Variants in USP47 observed in about 807,000 individuals in gnomAD.
USP47 encodes the protein ubiquitin carboxyl-terminal hydrolase 47.
A neutral mutation model predicts 165.1 loss-of-function variants in USP47; 35 were observed. That is an observed-to-expected ratio of 0.21 (90% CI 0.16 to 0.28). The LOEUF (loss-of-function observed/expected upper bound fraction) is 0.28, where lower values mean the gene tolerates loss of function less well. Ranked by LOEUF, USP47 falls within the 10% of genes least tolerant of loss-of-function variation. The pLI is 1.00. For missense variants in USP47, 1,277 were observed against 1,607.4 expected (o/e 0.79, Z 3.52); for synonymous variants, 531 against 544.5 (o/e 0.98, Z 0.35).
intron 8 of USP47, 67 bp from the exon 9 acceptor site, chr11:11,920,089 T>A (rs1853720467): frequency 8.2e-7 from 1 of 1,224,158 alleles, no homozygotes; most frequent in South Asian, 2.2e-5. Flanking sequence ...TACAGTCTTT[T>A]TTATTCAGGA....
chr11:11,850,711 T>TGC (rs2134136194), intron 1 of USP47, among the ~76,000 whole-genome samples: 1 of 152,320 alleles, frequency 6.6e-6, no homozygotes, highest in African/African-American at 2.4e-5. Context: ...CTCCCAGTCT[T>TGC]AGTCCATTTG....
At chr11:11,873,688 A>T in intron 1 of USP47, 1 of 491,076 alleles carries the variant, frequency 2.0e-6, no homozygotes, top group Non-Finnish European at 3.2e-6. Flanking sequence ...TACTTTAATT[A>T]ATACATATTT....
intron 1 of USP47, among the ~76,000 whole-genome samples, chr11:11,874,955 C>T (rs1194373405): frequency 5.3e-5 from 8 of 151,876 alleles, no homozygotes; most frequent in Non-Finnish European, 1.2e-4. Flanking sequence ...ACTGTGGATA[C>T]CCAGATGGGA....
chr11:11,928,452 T>G (rs1321704320), intron 11 of USP47, among the ~76,000 whole-genome samples: 1 of 152,066 alleles, frequency 6.6e-6, no homozygotes, highest in Non-Finnish European at 1.5e-5. Context: ...AAAGTTATTT[T>G]AAGATAAATT....
intron 5 of USP47, among the ~76,000 whole-genome samples, chr11:11,898,659 A>T (rs1409271577): frequency 6.6e-6 from 1 of 152,230 alleles, no homozygotes; most frequent in Non-Finnish European, 1.5e-5. Flanking sequence ...CAATATGTAT[A>T]TGTTTGAAAT....
intron 20 of USP47, chr11:11,943,680 T>C (rs1237423686): frequency 6.6e-6 from 1 of 152,172 alleles, no homozygotes; most frequent in Non-Finnish European, 1.5e-5. Flanking sequence ...TCTGAGAGTT[T>C]GGGCATTTGG....
chr11:11,866,201 C>T (rs1849668839), intron 1 of USP47, among the ~76,000 whole-genome samples: 1 of 152,040 alleles, frequency 6.6e-6, no homozygotes, highest in South Asian at 2.1e-4. Flanking sequence ...ATTCATTTCC[C>T]TCCTATCTCC....
intron 8 of USP47, among the ~76,000 whole-genome samples, chr11:11,915,521 CT>C (rs1853349937): frequency 6.6e-6 from 1 of 152,046 alleles, no homozygotes. Flanking sequence ...CTGGGAAAAT[CT>C]GAATTAGATA....
chr11:11,873,978 T>C, intron 1 of USP47: 1 of 506,986 alleles, frequency 2.0e-6, no homozygotes. Context: ...GCTATTTTAT[T>C]TCTACCCAAT....
At chr11:11,883,874 A>G (rs1316967197) in intron 2 of USP47, among the ~76,000 whole-genome samples, 2 of 152,142 alleles carry the variant, frequency 1.3e-5, no homozygotes, top group East Asian at 3.9e-4. Flanking sequence ...TCTGAATCCT[A>G]GTGGTACATT....
chr11:11,952,956 C>T (rs1856320513), intron 25 of USP47, 85 bp downstream of exon 25: 2 of 1,032,954 alleles, frequency 1.9e-6, no homozygotes, highest in South Asian at 4.5e-5. Flanking sequence ...ATAAACAATA[C>T]ATTCTTCCTG....
rs765503758 is a variant in USP47 at position 11,955,017 on chromosome 11, ATTCTTT to A, written c.3763-8_3763-3del. 3 of 1,613,220 alleles carry A rather than the reference ATTCTTT, an allele frequency of 1.9e-6. No homozygotes were observed. Among genetic ancestry groups the A allele is most frequent in the African/African-American group, 1.3e-5 (1 of 74,888 alleles). On this transcript the variant is annotated splice_polypyrimidine_tract_variant and intron_variant, in intron 26 of 27. Transcript: ENST00000527733. The stretch of plus-strand genomic sequence containing the variant: ...AGCTAGTGGCATGATTTATTCATTC[ATTCTTT>A]TTCTTTTTAGGGTAGAGGAACATTT...
At chr11:11,850,494 T>C (rs1848667323) in intron 1 of USP47, among the ~76,000 whole-genome samples, 1 of 149,614 alleles carries the variant, frequency 6.7e-6, no homozygotes, top group Non-Finnish European at 1.5e-5. Flanking sequence ...TTTTTTTGTC[T>C]GCATATTCTT....
rs1170644588 is a variant in USP47, at chr11:11,961,531, C to T, written c.*5356C>T. On this transcript the variant is annotated 3_prime_UTR_variant, in exon 28 of 28. Coordinates refer to ENST00000527733, the MANE Select transcript of USP47 (RefSeq NM_001282659.2). Reference sequence around the variant, plus strand: ...CTAAAAAACAGCAAGGAAATGGACTCTCCCCAGAGCCTCCAGAGGAATGCA... The same window carrying T: ...CTAAAAAACAGCAAGGAAATGGACTTTCCCCAGAGCCTCCAGAGGAATGCA... Among the ~76,000 whole-genome samples the T allele has an allele frequency of 2.6e-5, 4 of 152,172 alleles. No individual in the cohort carries two copies. Among genetic ancestry groups the T allele is most frequent in the Non-Finnish European group, 4.4e-5 (3 of 68,026 alleles).
chr11:11,847,856 A>G (rs931615534), intron 1 of USP47, among the ~76,000 whole-genome samples: 1 of 152,196 alleles, frequency 6.6e-6, no homozygotes, highest in Admixed American at 6.5e-5. Context: ...TTACCCTCTG[A>G]TTGCAATTTG....
chr11:11,880,401 T>G (rs1229407042), intron 2 of USP47, 21 bp downstream of exon 2: 1 of 1,270,228 alleles, frequency 7.9e-7, no homozygotes, highest in Non-Finnish European at 9.9e-7. Context: ...AGACTTAAGC[T>G]TCTAAAAATG....
At chr11:11,928,173 A>C (rs767293856) in intron 11 of USP47, among the ~76,000 whole-genome samples, 1 of 152,056 alleles carries the variant, frequency 6.6e-6, no homozygotes, top group Non-Finnish European at 1.5e-5. Context: ...TAAGATATTC[A>C]TATCATTCAG....
intron 22 of USP47, 22 bp from the exon 23 acceptor site, chr11:11,949,863 CTGAT>C: frequency 6.7e-7 from 1 of 1,494,312 alleles, no homozygotes; most frequent in East Asian, 2.3e-5. Context: ...AATTCAAGCT[CTGAT>C]TGTTTATGTT....
chr11:11,936,984 A>C (rs979660470), intron 17 of USP47, among the ~76,000 whole-genome samples: 1 of 151,772 alleles, frequency 6.6e-6, no homozygotes, highest in Non-Finnish European at 1.5e-5. Context: ...AGCATTTACA[A>C]TTTTTCGTCA....
Sources: allele counts gnomAD v4.1 joint callset (sites outside exome capture counted in the v4.1 genomes callset), GRCh38; gene constraint gnomAD v4.1.1; transcripts MANE v1.5; gene names NCBI Gene and HGNC (gene_info 2026-07-23, HGNC 2026-07-21).